LARP4B: variants seen among roughly 807,000 people sequenced by gnomAD.
The protein encoded by LARP4B is la-related protein 4B.
A neutral mutation model predicts 89.8 loss-of-function variants in LARP4B; 12 were observed. The observed-to-expected ratio is 0.13, with a 90% confidence interval of 0.09 to 0.22. The LOEUF is 0.22. LARP4B is among the 10% of genes least tolerant of loss of function. LARP4B has a pLI of 1.00. For synonymous variants in LARP4B, 367 were observed against 363.3 expected (o/e 1.01, Z -0.12); for missense variants, 757 against 947.7 (o/e 0.80, Z 2.64).
rs868806472 is a variant in LARP4B, at chr10:814,532, G to A, written c.1929+210C>T. 9.4e-7 allele frequency: 1 copy of A among 1,063,908 alleles called. No homozygotes were observed. Among genetic ancestry groups the A allele is most frequent in the Non-Finnish European group, 1.4e-6 (1 of 720,470 alleles). The allele number at this position is 1,063,908 out of a possible 1,614,324, so 65.9% of individuals were successfully genotyped here. A position where few individuals can be genotyped will look rare whatever the true frequency, so the allele number is the denominator to read the frequency against. On this transcript the variant is annotated intron_variant, in intron 17 of 17. Coordinates refer to ENST00000316157, the MANE Select transcript of LARP4B (RefSeq NM_015155.3). This position sits in a 1 kb window ranked among gnomAD's most constrained non-coding sequence, Gnocchi z 4.4. Reference sequence around the variant, plus strand: ...CAACACTGAAATAAAAGGACTACATGGTGGTCTGAGAAAGAACTAGAGTAG... The same window carrying A: ...CAACACTGAAATAAAAGGACTACATAGTGGTCTGAGAAAGAACTAGAGTAG...
chr10:869,810 G>T (rs974252038), intron 3 of LARP4B, among the ~76,000 whole-genome samples: 1 of 151,562 alleles, frequency 6.6e-6, no homozygotes, highest in South Asian at 2.1e-4. Flanking sequence ...CTTGAACCCG[G>T]CAATCACTTG....
chr10:974,701 C>T, the LARP4B span, among the ~76,000 whole-genome samples: 5 of 152,226 alleles, frequency 3.3e-5, no homozygotes, highest in Admixed American at 2.0e-4. Context: ...AGACTGTAAT[C>T]GGTTCTGTGT....
chr10:828,694 C>T (rs1245231001), intron 11 of LARP4B, among the ~76,000 whole-genome samples: 1 of 152,224 alleles, frequency 6.6e-6, no homozygotes. Context: ...AACTAACCTG[C>T]ATTGCTACCT....
upstream of LARP4B, among the ~76,000 whole-genome samples, chr10:932,006 C>T (rs1034574605): frequency 1.3e-5 from 2 of 149,292 alleles, no homozygotes; most frequent in African/African-American, 2.4e-5. Flanking sequence ...CCGCCGTCCC[C>T]GGCGCGACCG....
the LARP4B span, among the ~76,000 whole-genome samples, chr10:950,187 A>G: frequency 2.6e-5 from 4 of 152,316 alleles, no homozygotes; most frequent in East Asian, 7.7e-4. Flanking sequence ...CTCAGTTTGT[A>G]GCTTGTCTTT....
chr10:873,116 C>T (rs1564423575), intron 3 of LARP4B: 1 of 985,246 alleles, frequency 1.0e-6, no homozygotes, highest in Non-Finnish European at 1.2e-6. Context: ...ATTGTCACTA[C>T]TTAGTTCTCT....
intron 3 of LARP4B, chr10:873,316 CAG>C: frequency 1.0e-6 from 1 of 985,468 alleles, no homozygotes; most frequent in Non-Finnish European, 1.2e-6. Context: ...CTAATGACAA[CAG>C]AGCCCGACTG....
At chr10:984,031 C>T in the LARP4B span, among the ~76,000 whole-genome samples, 7 of 152,170 alleles carry the variant, frequency 4.6e-5, no homozygotes, top group South Asian at 6.2e-4. Flanking sequence ...CTCTGGAAAA[C>T]GGAAATTGCT....
rs1464234687 is a variant in LARP4B at position 843,132 on chromosome 10, A to G, written c.510-64T>C. Reference sequence around the variant, plus strand: ...TTAAAAGGAAGTTTCACCTACTGTAATTCCAGTTTCACAAGAGGCGTGAGT... The same window carrying G: ...TTAAAAGGAAGTTTCACCTACTGTAGTTCCAGTTTCACAAGAGGCGTGAGT... On this transcript the variant is annotated intron_variant, in intron 6 of 17. Coordinates refer to ENST00000316157, the MANE Select transcript of LARP4B (RefSeq NM_015155.3). 8 of 1,453,250 alleles carry G rather than the reference A, an allele frequency of 5.5e-6. No homozygotes were observed. The African/African-American group carries it at 9.8e-5, about 18-fold the overall frequency. The allele number at this position is 1,453,250 out of a possible 1,614,324, so 90.0% of individuals were successfully genotyped here.
chr10:905,016 G>A (rs543711506), intron 1 of LARP4B, among the ~76,000 whole-genome samples: 4 of 152,308 alleles, frequency 2.6e-5, no homozygotes, highest in African/African-American at 7.2e-5. Context: ...TTCAGGCTAT[G>A]TGTATAAGGT....
rs149576860 is a variant in LARP4B at position 846,860 on chromosome 10, C to T, written c.431-1805G>A. Reference sequence around the variant, plus strand: ...ACTCCCACCTTCAGCAGGAGGCAAGCGCATGAGGGCCAAGGGACACAGGCT... The same window carrying T: ...ACTCCCACCTTCAGCAGGAGGCAAGTGCATGAGGGCCAAGGGACACAGGCT... On this transcript the variant is annotated intron_variant, in intron 5 of 17. Coordinates refer to ENST00000316157, the MANE Select transcript of LARP4B (RefSeq NM_015155.3). Among the ~76,000 whole-genome samples the T allele has an allele frequency of 2.0e-3, 309 of 152,172 alleles. 3 individuals carry two copies. In the East Asian group the frequency reaches 0.046, roughly 23 times the overall value.
chr10:981,786 C>T, the LARP4B span, among the ~76,000 whole-genome samples: 1 of 152,112 alleles, frequency 6.6e-6, no homozygotes, highest in Admixed American at 6.5e-5. Context: ...CCAGGCTGGT[C>T]TTGAACTCCT....
At chr10:965,761 C>G in the LARP4B span, among the ~76,000 whole-genome samples, 2 of 151,372 alleles carry the variant, frequency 1.3e-5, no homozygotes, top group South Asian at 4.2e-4. Flanking sequence ...CTGGGAGATG[C>G]CTGCCTTCTG....
At chr10:959,799 CT>C in the LARP4B span, among the ~76,000 whole-genome samples, 1 of 133,114 alleles carries the variant, frequency 7.5e-6, no homozygotes, top group African/African-American at 2.9e-5. Flanking sequence ...TTCCCACCTC[CT>C]CGTCATTCCC....
At chr10:856,330 T>C (rs535463081) in intron 5 of LARP4B, among the ~76,000 whole-genome samples, 4 of 152,256 alleles carry the variant, frequency 2.6e-5, no homozygotes, top group South Asian at 4.1e-4. Flanking sequence ...AAATAAGATA[T>C]ATGCATTACA....
chr10:934,561 T>G (rs1422997841), upstream of LARP4B, among the ~76,000 whole-genome samples: 6 of 152,170 alleles, frequency 3.9e-5, no homozygotes, highest in African/African-American at 1.4e-4. Flanking sequence ...TGTGTAATCC[T>G]TTCCAACAAT....
chr10:913,703 G>A (rs1423859578), intron 1 of LARP4B, among the ~76,000 whole-genome samples: 1 of 152,194 alleles, frequency 6.6e-6, no homozygotes, highest in Non-Finnish European at 1.5e-5. Flanking sequence ...ATCACTAGGA[G>A]TTCGAGACCA....
chr10:864,713 G>T (rs186538737), intron 3 of LARP4B, among the ~76,000 whole-genome samples: 1 of 152,196 alleles, frequency 6.6e-6, no homozygotes, highest in South Asian at 2.1e-4. Context: ...CAGCACTTTG[G>T]GAGGCCAAGG....
Position 929,694 on chromosome 10 carries a change from A to G in LARP4B, c.-40+1734T>C, listed in dbSNP as rs1320533762. 7.2e-5 allele frequency among the ~76,000 whole-genome samples: 11 copies of G among 152,322 alleles called. No individual in the cohort carries two copies. In the East Asian group the frequency reaches 2.1e-3, roughly 29 times the overall value. On this transcript the variant is annotated intron_variant, in intron 1 of 17. Coordinates refer to ENST00000316157, the MANE Select transcript of LARP4B (RefSeq NM_015155.3). ...ACAGTCCTAAGAAAATGAGATTATC[A>G]TCATCCCCCTGTTACAATTGAGAAA...
Sources: gnomAD v4.1 joint callset for allele counts (sites outside exome capture counted in the v4.1 genomes callset) on GRCh38, gnomAD v4.1.1 for gene constraint, Gnocchi (gnomAD v3.1) non-coding constraint, MANE v1.5 for transcripts, NCBI Gene and HGNC (gene_info 2026-07-23, HGNC 2026-07-21) for gene names.